The following NRXN1 variants were observed in gnomAD, a reference collection of about 807,000 sequenced individuals.
NRXN1 encodes the protein neurexin 1.
NRXN1 carries 39 observed loss-of-function variants against 150.9 expected under a neutral mutation model. That is an observed-to-expected ratio of 0.26 (90% CI 0.20 to 0.34). NRXN1 has a LOEUF of 0.34. Among genes scored for constraint, NRXN1 ranks in the 10% least tolerant of loss-of-function variants. The pLI, the probability that NRXN1 is intolerant of heterozygous loss-of-function variation, is 1.00. For synonymous variants in NRXN1, 924 were observed against 757.0 expected (o/e 1.22, Z -3.62); for missense variants, 1,815 against 1,949.9 (o/e 0.93, Z 1.30).
rs1046710268 is a variant in NRXN1 at position 50,465,659 on chromosome 2, A to C, written c.3245-98T>G. 10 of 1,293,522 alleles carry C rather than the reference A, an allele frequency of 7.7e-6. No homozygotes were observed. The African/African-American group carries it at 1.0e-4, about 13-fold the overall frequency. The allele number at this position is 1,293,522 out of a possible 1,614,324, so 80.1% of individuals were successfully genotyped here. On this transcript the variant is annotated intron_variant, in intron 16 of 22. Transcript: ENST00000401669. ...CATGTAGTAGTTGCCAACACCACAG[A>C]TGATATGTCCAAACTAGTTTTTAAA... is the stretch of plus-strand genomic sequence containing the variant.
At chr2:50,103,428 A>G (rs899695312) in intron 18 of NRXN1, among the ~76,000 whole-genome samples, 3 of 151,908 alleles carry the variant, frequency 2.0e-5, no homozygotes, top group African/African-American at 7.3e-5. Context: ...TTCACCCTTG[A>G]CCCTTTCACC....
In NRXN1 at chr2:51,027,537, G is replaced by C; in HGVS notation, c.737C>G (p.Ser246Trp). ...VVDDQAVCDC[S>W]RTGFRGKDCS... ...GTCCTTGCCGCGGAAGCCGGTTCGC[G>C]AGCAGTCGCACACGGCCTGGTCGTC... Residue 246 changes from serine to tryptophan, a missense_variant, in exon 2 of 23, where the codon TCG (serine) becomes TGG (tryptophan). Physicochemically the swap from Ser to Trp is radical, Grantham distance 177. Coordinates refer to ENST00000401669, the MANE Select transcript of NRXN1 (RefSeq NM_001330078.2). 1 of 1,564,726 alleles carries C rather than the reference G, an allele frequency of 6.4e-7. No individual in the cohort carries two copies. Among genetic ancestry groups the C allele is most frequent in the Non-Finnish European group, 8.7e-7 (1 of 1,150,680 alleles).
At chr2:50,119,720 A>G (rs1333696519) in intron 18 of NRXN1, among the ~76,000 whole-genome samples, 1 of 152,202 alleles carries the variant, frequency 6.6e-6, no homozygotes, top group Admixed American at 6.5e-5. Context: ...TAAGATACGG[A>G]TGTATATAAA....
intron 9 of NRXN1, among the ~76,000 whole-genome samples, chr2:50,551,947 G>A (rs186401561): frequency 2.1e-4 from 32 of 152,144 alleles, no homozygotes; most frequent in Non-Finnish European, 3.4e-4. Context: ...TGATTTCTTC[G>A]GAGAAACTTT....
chr2:50,799,990 G>A (rs1401812165), intron 5 of NRXN1, among the ~76,000 whole-genome samples: 1 of 152,022 alleles, frequency 6.6e-6, no homozygotes, highest in African/African-American at 2.4e-5. Flanking sequence ...AAAAGATGCT[G>A]TGCACATAAT....
chr2:50,599,028 T>C (rs1337577682), intron 8 of NRXN1, among the ~76,000 whole-genome samples: 2 of 152,062 alleles, frequency 1.3e-5, no homozygotes, highest in Admixed American at 1.3e-4. Context: ...CGCCTCAGCC[T>C]CCCAAAGTGC....
intron 5 of NRXN1, among the ~76,000 whole-genome samples, chr2:50,641,572 A>G (rs943976701): frequency 6.6e-6 from 1 of 152,032 alleles, no homozygotes; most frequent in Admixed American, 6.6e-5. Flanking sequence ...TCTATACAAA[A>G]TGGAAAGTTT....
At chr2:50,407,866 A>C (rs922297184) in intron 17 of NRXN1, among the ~76,000 whole-genome samples, 5 of 152,188 alleles carry the variant, frequency 3.3e-5, no homozygotes, top group Non-Finnish European at 7.3e-5. Context: ...TTCTGTTATA[A>C]GTAACAGAAA....
At chr2:50,595,691 T>C (rs1225099119) in intron 8 of NRXN1, among the ~76,000 whole-genome samples, 1 of 152,158 alleles carries the variant, frequency 6.6e-6, no homozygotes, top group Non-Finnish European at 1.5e-5. Context: ...AGAAAATGCA[T>C]ATCACTTGTA....
chr2:50,538,271 C>T lies in NRXN1; in HGVS notation c.2125G>A (p.Gly709Ser), dbSNP rs758570133. 6.2e-7 allele frequency: 1 copy of T among 1,611,666 alleles called. No individual in the cohort carries two copies. The highest frequency in any genetic ancestry group is 8.5e-7 in the Non-Finnish European group (1 of 1,178,072). Residue 709 changes from glycine (G) to serine (S), a missense_variant, in exon 10 of 23, where the codon GGC becomes AGC. Physicochemically the swap from Gly to Ser is moderately conservative, Grantham distance 56 (BLOSUM62 0). This residue lies in a region of NRXN1 where 638 missense variants were observed against 652.6 expected (regional missense o/e 0.98). Coordinates refer to ENST00000401669, the MANE Select transcript of NRXN1 (RefSeq NM_001330078.2). ...VCDCSGTGYL[G>S]RSCEREATVL... ...ATCCTACCTCTCTCACAGGACCTGC[C>T]AAGATAGCCTGTTCCGGAACAATCA... is the stretch of plus-strand genomic sequence containing the variant.
chr2:50,253,348 C>T (rs368192093), intron 17 of NRXN1, among the ~76,000 whole-genome samples: 4 of 152,070 alleles, frequency 2.6e-5, no homozygotes, highest in African/African-American at 9.7e-5. Flanking sequence ...AGGATCATGT[C>T]GTCTGCAAAC....
intron 5 of NRXN1, among the ~76,000 whole-genome samples, chr2:50,693,119 A>G (rs189745686): frequency 1.3e-5 from 2 of 152,286 alleles, no homozygotes; most frequent in South Asian, 2.1e-4. Flanking sequence ...TGACACTTGA[A>G]TAGTTTCTGA....
intron 21 of NRXN1, among the ~76,000 whole-genome samples, chr2:49,960,466 G>A (rs1573062087): frequency 6.6e-6 from 1 of 152,172 alleles, no homozygotes; most frequent in Admixed American, 6.5e-5. Context: ...TGCAAACACA[G>A]TTGTACTCCC....
chr2:50,933,449 A>G (rs1468490881), intron 2 of NRXN1, among the ~76,000 whole-genome samples: 1 of 152,156 alleles, frequency 6.6e-6, no homozygotes, highest in African/African-American at 2.4e-5. Context: ...TGAGCAGCAA[A>G]TTATAATTCT....
At chr2:50,096,933 T>A (rs1433531740) in intron 18 of NRXN1, among the ~76,000 whole-genome samples, 1 of 152,190 alleles carries the variant, frequency 6.6e-6, no homozygotes, top group Non-Finnish European at 1.5e-5. Flanking sequence ...TTTAATGGTG[T>A]AATCAATATC....
rs2064914042 is a variant in NRXN1 at position 50,231,277 on chromosome 2, T to C, written c.3546+5512A>G. On this transcript the variant is annotated intron_variant, in intron 18 of 22. Coordinates refer to ENST00000401669, the MANE Select transcript of NRXN1 (RefSeq NM_001330078.2). The stretch of plus-strand genomic sequence containing the variant: ...ACTGGGTTTATCTTGTTGATATAGG[T>C]GTGCATCTATGTATAATTACTGACT... Among the ~76,000 whole-genome samples, 3 of 152,084 alleles carry C rather than the reference T, an allele frequency of 2.0e-5. No homozygotes were observed. The South Asian group carries it at 6.2e-4, about 31-fold the overall frequency.
chr2:50,272,627 G>A (rs561548495), intron 17 of NRXN1, among the ~76,000 whole-genome samples: 27 of 152,056 alleles, frequency 1.8e-4, no homozygotes, highest in Non-Finnish European at 2.9e-4. Flanking sequence ...AAAAATGGAA[G>A]AGTAAATAAA....
intron 21 of NRXN1, among the ~76,000 whole-genome samples, chr2:49,948,980 T>C (rs919461888): frequency 2.6e-5 from 4 of 152,054 alleles, no homozygotes; most frequent in Non-Finnish European, 1.5e-5. Flanking sequence ...ATGCACATCG[T>C]AAGCATCTCT....
intron 8 of NRXN1, among the ~76,000 whole-genome samples, chr2:50,573,490 T>A (rs1234526037): frequency 6.6e-6 from 1 of 152,056 alleles, no homozygotes; most frequent in Non-Finnish European, 1.5e-5. Context: ...AATTAATTTA[T>A]AAGAAATATA....
Sources: allele counts gnomAD v4.1 joint callset (sites outside exome capture counted in the v4.1 genomes callset), GRCh38; gene constraint gnomAD v4.1.1; regional missense constraint gnomAD v4.1.1; transcripts MANE v1.5; gene names NCBI Gene and HGNC (gene_info 2026-07-23, HGNC 2026-07-21).